Variants in MAGI3 observed in about 807,000 individuals in gnomAD.
The protein encoded by MAGI3 is membrane associated guanylate kinase, WW and PDZ domain containing 3.
Under a neutral mutation model 121.8 loss-of-function variants are expected in MAGI3, and 43 were observed. That is an observed-to-expected ratio of 0.35 (90% confidence interval 0.28 to 0.46). The LOEUF is 0.46. Ranked by LOEUF, MAGI3 falls within the 20% of genes least tolerant of loss-of-function variation. MAGI3 has a pLI of 1.00. For synonymous variants in MAGI3, 553 were observed against 639.3 expected, an observed-to-expected ratio of 0.86 and a Z score of 2.04; for missense variants, 1,547 against 1,797.3, an observed-to-expected ratio of 0.86 and a Z score of 2.52.
intron 1 of MAGI3, among the ~76,000 whole-genome samples, chr1:113,444,082 A>G (rs913927393): frequency 6.6e-6 from 1 of 152,184 alleles, no homozygotes; most frequent in Non-Finnish European, 1.5e-5. Context: ...ATTTGGATCT[A>G]ATTGTGGTTA....
chr1:113,597,796 A>G (rs905204842), intron 6 of MAGI3, among the ~76,000 whole-genome samples: 4 of 152,244 alleles, frequency 2.6e-5, no homozygotes, highest in Admixed American at 6.5e-5. Context: ...AGTATTTTTC[A>G]GACAAGTAAA....
chr1:113,634,867 A>G (rs1228990296), intron 9 of MAGI3, among the ~76,000 whole-genome samples: 1 of 152,190 alleles, frequency 6.6e-6, no homozygotes, highest in Non-Finnish European at 1.5e-5. Flanking sequence ...ACCCATGAGC[A>G]TGGAATGTTC....
At chr1:113,468,093 TTCTG>T (rs1288472494) in intron 1 of MAGI3, among the ~76,000 whole-genome samples, 1 of 152,200 alleles carries the variant, frequency 6.6e-6, no homozygotes, top group African/African-American at 2.4e-5. Context: ...CCCTTCCACT[TTCTG>T]TCTTTGTGTT....
intron 1 of MAGI3, among the ~76,000 whole-genome samples, chr1:113,477,641 T>C (rs1484670069): frequency 6.6e-6 from 1 of 152,210 alleles, no homozygotes; most frequent in African/African-American, 2.4e-5. Context: ...TCGACCTTTC[T>C]CTCTGGCTGC....
chr1:113,651,692 C>T (rs1653177570), intron 14 of MAGI3, among the ~76,000 whole-genome samples: 3 of 152,094 alleles, frequency 2.0e-5, no homozygotes, highest in Admixed American at 2.0e-4. Context: ...GGTTTCACCA[C>T]ATTGGCCAGG....
At chr1:113,585,950 T>A (rs962540746) in intron 4 of MAGI3, among the ~76,000 whole-genome samples, 1 of 152,230 alleles carries the variant, frequency 6.6e-6, no homozygotes, top group Non-Finnish European at 1.5e-5. Flanking sequence ...TGTTTTAGAA[T>A]GTAGACTTCA....
At chr1:113,635,342 G>C (rs1651933681) in intron 9 of MAGI3, among the ~76,000 whole-genome samples, 1 of 152,140 alleles carries the variant, frequency 6.6e-6, no homozygotes, top group Non-Finnish European at 1.5e-5. Context: ...TGCCCATTCA[G>C]TATGATATTG....
At chr1:113,530,057 C>T (rs1658632142) in intron 1 of MAGI3, among the ~76,000 whole-genome samples, 1 of 151,918 alleles carries the variant, frequency 6.6e-6, no homozygotes, top group Admixed American at 6.6e-5. Flanking sequence ...TAAACAGTGC[C>T]ATTTGGTTTC....
chr1:113,655,986 T>C (rs1266978626), intron 15 of MAGI3, among the ~76,000 whole-genome samples: 1 of 152,176 alleles, frequency 6.6e-6, no homozygotes, highest in African/African-American at 2.4e-5. Context: ...CATCAATACT[T>C]AATAATGAGA....
chr1:113,578,972 G>A (rs1246238791), intron 2 of MAGI3, among the ~76,000 whole-genome samples: 1 of 150,880 alleles, frequency 6.6e-6, no homozygotes, highest in Non-Finnish European at 1.5e-5. Flanking sequence ...TTTTTTTTGT[G>A]CATGTTACAG....
At chr1:113,597,529 TAAAAG>T (rs1251047710) in intron 6 of MAGI3, among the ~76,000 whole-genome samples, 9 of 152,150 alleles carry the variant, frequency 5.9e-5, no homozygotes, top group Non-Finnish European at 1.0e-4. Context: ...CAAAAGAAGA[TAAAAG>T]AAGAGTCAAG....
intron 1 of MAGI3, among the ~76,000 whole-genome samples, chr1:113,449,034 CT>C (rs1439915253): frequency 1.3e-5 from 2 of 151,134 alleles, no homozygotes; most frequent in African/African-American, 4.9e-5. Context: ...AGGGAAATTG[CT>C]TGAACCTGGG....
intron 6 of MAGI3, among the ~76,000 whole-genome samples, chr1:113,604,616 A>G (rs554505855): frequency 1.3e-5 from 2 of 149,544 alleles, no homozygotes; most frequent in Non-Finnish European, 3.0e-5. Context: ...AAAATGTGGT[A>G]TATATATACC....
At chr1:113,412,835 C>T (rs1030965697) in intron 1 of MAGI3, among the ~76,000 whole-genome samples, 1 of 152,124 alleles carries the variant, frequency 6.6e-6, no homozygotes, top group Non-Finnish European at 1.5e-5. Context: ...GTTGCCTGTT[C>T]ACTCTGATGG....
intron 1 of MAGI3, among the ~76,000 whole-genome samples, chr1:113,465,738 G>A (rs1268243665): frequency 6.6e-6 from 1 of 151,680 alleles, no homozygotes; most frequent in Non-Finnish European, 1.5e-5. Context: ...TGATTCCCAG[G>A]ATTTTATATT....
rs1651999976 is a variant in MAGI3, at chr1:113,636,077, C to T, written c.1361-5834C>T. ...TCTGTGGGATCGGTGGTGATATCCC[C>T]TTTTATCATTTTTTATTGCATCTAT... On this transcript the variant is annotated intron_variant, in intron 9 of 20. Transcript: ENST00000307546. Among the ~76,000 whole-genome samples the T allele has an allele frequency of 3.9e-5, 6 of 152,040 alleles. No individual in the cohort carries two copies. The South Asian group carries it at 1.2e-3, about 32-fold the overall frequency.
chr1:113,522,464 G>A (rs962650280), intron 1 of MAGI3, among the ~76,000 whole-genome samples: 3 of 152,162 alleles, frequency 2.0e-5, no homozygotes, highest in East Asian at 1.9e-4. Flanking sequence ...CCTCTCAGAC[G>A]CTGTGCTTTT....
chr1:113,524,581 T>TA (rs1658370093), intron 1 of MAGI3, among the ~76,000 whole-genome samples: 1 of 152,082 alleles, frequency 6.6e-6, no homozygotes, highest in Admixed American at 6.6e-5. Context: ...TTAGCCCCTT[T>TA]GTTTAGCCAA....
chr1:113,516,572 TATTGATATA>T (rs1291190094), intron 1 of MAGI3, among the ~76,000 whole-genome samples: 1 of 151,980 alleles, frequency 6.6e-6, no homozygotes, highest in African/African-American at 2.4e-5. Context: ...CATGAGCCCA[TATTGATATA>T]AATAAATGAT....
Sources: allele counts gnomAD v4.1 joint callset (sites outside exome capture counted in the v4.1 genomes callset), GRCh38; gene constraint gnomAD v4.1.1; transcripts MANE v1.5; gene names NCBI Gene and HGNC (gene_info 2026-07-23, HGNC 2026-07-21).